SSH2: variants seen among roughly 807,000 people sequenced by gnomAD.
The protein encoded by SSH2 is slingshot protein phosphatase 2.
Under a neutral mutation model 135.2 loss-of-function variants are expected in SSH2, and 37 were observed. That is an observed-to-expected ratio of 0.27 (90% CI 0.21 to 0.36). The LOEUF (loss-of-function observed/expected upper bound fraction) is 0.36. SSH2 is among the 10% of genes least tolerant of loss of function. The pLI, the probability that SSH2 is intolerant of heterozygous loss-of-function variation, is 1.00. For synonymous variants in SSH2, 628 were observed against 646.2 expected (o/e 0.97, Z 0.43); for missense variants, 1,408 against 1,765.3 (o/e 0.80, Z 3.63).
At chr17:29,705,292 T>C (rs2039153228) in intron 3 of SSH2, among the ~76,000 whole-genome samples, 1 of 152,188 alleles carries the variant, frequency 6.6e-6, no homozygotes, top group African/African-American at 2.4e-5. Flanking sequence ...TTAAGCCTTT[T>C]ATTATAGAAA....
chr17:29,882,371 A>G (rs1413614963), intron 1 of SSH2, among the ~76,000 whole-genome samples: 1 of 152,224 alleles, frequency 6.6e-6, no homozygotes. Context: ...GCCTTAAGAT[A>G]GTAGCCTGGA....
At chr17:29,887,664 G>A (rs1329413433) in intron 1 of SSH2, among the ~76,000 whole-genome samples, 4 of 152,188 alleles carry the variant, frequency 2.6e-5, no homozygotes, top group Non-Finnish European at 5.9e-5. Flanking sequence ...CTAGCACAGA[G>A]TAAGCCAATG....
intron 1 of SSH2, among the ~76,000 whole-genome samples, chr17:29,898,785 C>T (rs1268026495): frequency 2.0e-5 from 3 of 152,134 alleles, no homozygotes; most frequent in African/African-American, 4.8e-5. Context: ...TTTTATGAGG[C>T]CAGCATCATC....
chr17:29,819,116 C>T (rs745383262), intron 2 of SSH2, among the ~76,000 whole-genome samples: 2 of 151,884 alleles, frequency 1.3e-5, no homozygotes, highest in Non-Finnish European at 2.9e-5. Flanking sequence ...ATCCCAGCTA[C>T]TTGGGAGGCT....
intron 5 of SSH2, among the ~76,000 whole-genome samples, chr17:29,693,428 C>T (rs1356338352): frequency 6.6e-6 from 1 of 152,126 alleles, no homozygotes; most frequent in Non-Finnish European, 1.5e-5. Context: ...TCTCCTGCCT[C>T]AGCCTCCTGA....
chr17:29,852,218 G>A (rs1172991449), intron 1 of SSH2, among the ~76,000 whole-genome samples: 1 of 151,742 alleles, frequency 6.6e-6, no homozygotes, highest in African/African-American at 2.4e-5. Context: ...GGAGATGAAG[G>A]TTGCAGTGAG....
intron 8 of SSH2, among the ~76,000 whole-genome samples, chr17:29,673,067 A>G (rs182448633): frequency 1.3e-4 from 20 of 152,260 alleles, no homozygotes; most frequent in African/African-American, 4.3e-4. Flanking sequence ...CAGGAACCCA[A>G]GAAGAGTAAA....
At chr17:29,691,028 C>T (rs769763825) in intron 5 of SSH2, among the ~76,000 whole-genome samples, 3 of 151,456 alleles carry the variant, frequency 2.0e-5, no homozygotes, top group African/African-American at 7.3e-5. Context: ...TTGCTGAGAA[C>T]GATTTTCTCA....
chr17:29,839,887 A>C (rs1231649467), intron 2 of SSH2, among the ~76,000 whole-genome samples: 1 of 152,226 alleles, frequency 6.6e-6, no homozygotes, highest in Non-Finnish European at 1.5e-5. Flanking sequence ...CAGCATGGTC[A>C]CATACCTTAA....
rs568608892 is a variant in SSH2 at position 29,692,754 on chromosome 17, T to C, written c.357+2705A>G. Among the ~76,000 whole-genome samples the C allele has an allele frequency of 2.0e-5, 3 of 152,302 alleles. No individual in the cohort carries two copies. The South Asian group carries it at 6.2e-4, about 32-fold the overall frequency. On this transcript the variant is annotated intron_variant, in intron 5 of 15. Transcript: ENST00000540801. ...GCATCCAGTATGTGCAAGTGACTGT[T>C]GTTATGGGTTTTCAAAGAGGTGTAC...
chr17:29,644,711 G>A (rs1245571681), intron 14 of SSH2: 2 of 152,208 alleles, frequency 1.3e-5, no homozygotes, highest in Non-Finnish European at 2.9e-5. Context: ...GGAGGCTGAG[G>A]CAGGAGAATC....
chr17:29,681,472 T>C (rs1379285815), intron 6 of SSH2, among the ~76,000 whole-genome samples: 1 of 151,746 alleles, frequency 6.6e-6, no homozygotes, highest in Non-Finnish European at 1.5e-5. Context: ...TATAACTACT[T>C]ATTTTAGTAA....
At chr17:29,663,323 C>A (rs1025549007) in intron 11 of SSH2, among the ~76,000 whole-genome samples, 1 of 152,348 alleles carries the variant, frequency 6.6e-6, no homozygotes, top group African/African-American at 2.4e-5. Flanking sequence ...GATGACTCTG[C>A]AGAAAATCAA....
intron 1 of SSH2, among the ~76,000 whole-genome samples, chr17:29,892,420 T>C (rs1192988569): frequency 6.6e-5 from 10 of 152,076 alleles, no homozygotes; most frequent in Admixed American, 6.6e-4. Context: ...GGTTTTCTAG[T>C]TGGAAGCAGA....
chr17:29,702,994 G>A lies in SSH2; in HGVS notation c.257C>T (p.Thr86Ile), dbSNP rs750760799. ...LFLPRGNGSS[T>I]PRISHRRNKH... ...GTTCCGTCTGTGGCTGATTCTTGGT[G>A]TGGATGAGCCATTTCCCCGTGGTAG... Residue 86 changes from threonine to isoleucine, a missense_variant, in exon 4 of 16, where the codon ACA (threonine) becomes ATA (isoleucine). Around this residue, in one of 3 missense-constraint regions of SSH2, gnomAD observed 222 missense variants for 355.6 expected, o/e 0.62. Transcript: ENST00000540801. 9.9e-6 allele frequency: 16 copies of A among 1,613,942 alleles called. No individual in the cohort carries two copies. The Admixed American group carries it at 2.5e-4, about 25-fold the overall frequency.
chr17:29,634,568 T>A (rs556737723), intron 15 of SSH2, among the ~76,000 whole-genome samples: 75 of 147,004 alleles, frequency 5.1e-4, no homozygotes, highest in African/African-American at 1.8e-3. Flanking sequence ...TATTATTATT[T>A]TTTGAGACGG....
At chr17:29,743,896 T>C (rs1205185847) in intron 3 of SSH2, among the ~76,000 whole-genome samples, 1 of 146,194 alleles carries the variant, frequency 6.8e-6, no homozygotes, top group Non-Finnish European at 1.5e-5. Context: ...TAATTTCTTT[T>C]TTCTTTTTTC....
chr17:29,789,823 T>A (rs2042033833), intron 3 of SSH2, among the ~76,000 whole-genome samples: 1 of 152,228 alleles, frequency 6.6e-6, no homozygotes, highest in Non-Finnish European at 1.5e-5. Flanking sequence ...TTTGCCTTGC[T>A]AAGTTTTAAA....
intron 1 of SSH2, among the ~76,000 whole-genome samples, chr17:29,908,921 A>T (rs914154126): frequency 4.6e-5 from 7 of 151,798 alleles, no homozygotes; most frequent in African/African-American, 1.7e-4. Flanking sequence ...TACTAAAAAT[A>T]AAAAAATTAC....
Sources: allele counts gnomAD v4.1 joint callset (sites outside exome capture counted in the v4.1 genomes callset), GRCh38; gene constraint gnomAD v4.1.1; regional missense constraint gnomAD v4.1.1; transcripts MANE v1.5; gene names NCBI Gene and HGNC (gene_info 2026-07-23, HGNC 2026-07-21).